The following NOD2 variants were observed in gnomAD, a reference collection of about 807,000 sequenced individuals.
NOD2 encodes the protein nucleotide-binding oligomerization domain-containing protein 2.
In NOD2, 86 loss-of-function variants were observed where a neutral mutation model predicts 90.9. That is an observed-to-expected ratio of 0.95 (90% CI 0.79 to 1.13). NOD2 has a LOEUF of 1.13. NOD2 is among the 50% of genes most tolerant of loss of function. The probability of loss-of-function intolerance (pLI) is 0.00; values close to 1 mark genes in which losing one functional copy is unlikely to be tolerated. For synonymous variants in NOD2, 581 were observed against 554.6 expected, an observed-to-expected ratio of 1.05 and a Z score of -0.67; for missense variants, 1,238 against 1,283.8, an observed-to-expected ratio of 0.96 and a Z score of 0.55.
intron 7 of NOD2, 148 bp from the exon 8 acceptor site, chr16:50,722,474 G>A (rs1009163270): frequency 1.2e-6 from 1 of 801,660 alleles, no homozygotes; most frequent in African/African-American, 1.7e-5. Context: ...ACTTTGCTGG[G>A]ACCAGGAGCC....
At position 50,711,152 on chromosome 16, in the gene NOD2, A is replaced by G. The variant is rs104895429; in HGVS notation, c.1160A>G (p.Asn387Ser). Residue 387 changes from asparagine (N) to serine (S), a missense_variant, in exon 4 of 12, where the codon AAC becomes AGC. This residue lies in a region of NOD2 where 567 missense variants were observed against 577.3 expected (regional missense o/e 0.98). Coordinates refer to ENST00000647318, the MANE Select transcript of NOD2 (RefSeq NM_001370466.1). ...QTLLFNLLQG[N>S]LLKNARKVVT... ...CTGCTCTTCAACCTTCTGCAGGGCAACCTGCTGAAGAATGCCCGCAAGGTG... is the reference window on the plus strand; with the variant it reads ...CTGCTCTTCAACCTTCTGCAGGGCAGCCTGCTGAAGAATGCCCGCAAGGTG... The G allele has an allele frequency of 8.4e-5, 135 of 1,614,004 alleles. No homozygotes were observed. The highest frequency in any genetic ancestry group is 1.1e-4 in the Non-Finnish European group (132 of 1,180,034).
chr16:50,723,153 A>AT, intron 8 of NOD2, 148 bp from the exon 9 acceptor site: 1 of 640,174 alleles, frequency 1.6e-6, no homozygotes, highest in Non-Finnish European at 2.7e-6. Context: ...AAAAAAAAAA[A>AT]AGAAAAAAGA....
chr16:50,703,934 A>G (rs906121989), intron 2 of NOD2, among the ~76,000 whole-genome samples: 4 of 152,218 alleles, frequency 2.6e-5, no homozygotes, highest in African/African-American at 9.6e-5. Context: ...GAAAATGGCC[A>G]GAGGAAGTGG....
Position 50,711,043 on chromosome 16 carries a change from T to G in NOD2, c.1051T>G (p.Phe351Val), listed in dbSNP as rs780544950. ...LDHPDRVLLTFDGFDEFKFRF... is the reference protein window; with the variant it reads ...LDHPDRVLLTVDGFDEFKFRF... ...CCACCCTGACCGTGTCCTGTTAACCTTTGATGGCTTTGACGAGTTCAAGTT... is the reference window on the plus strand; with the variant it reads ...CCACCCTGACCGTGTCCTGTTAACCGTTGATGGCTTTGACGAGTTCAAGTT... Residue 351 changes from phenylalanine to valine, a missense_variant, in exon 4 of 12, where the codon TTT becomes GTT. Transcript: ENST00000647318. 6.2e-7 allele frequency: 1 copy of G among 1,614,216 alleles called. No individual in the cohort carries two copies. The highest frequency in any genetic ancestry group is 8.5e-7 in the Non-Finnish European group (1 of 1,180,030).
intron 2 of NOD2, among the ~76,000 whole-genome samples, chr16:50,700,460 C>T (rs561496639): frequency 2.6e-5 from 4 of 152,322 alleles, no homozygotes; most frequent in Non-Finnish European, 5.9e-5. Context: ...TGTGTGGTGG[C>T]CAGGAACTCA....
In NOD2 at chr16:50,722,604, C is replaced by G; in HGVS notation, c.2634-18C>G. 1 of 1,612,726 alleles carries G rather than the reference C, an allele frequency of 6.2e-7. No homozygotes were observed. ...GGTACTCACTGACACTGTCTGTTGACTCTTTTGGCCTTTTCAGATTCTGGG... is the reference window on the plus strand; with the variant it reads ...GGTACTCACTGACACTGTCTGTTGAGTCTTTTGGCCTTTTCAGATTCTGGG... On this transcript the variant is annotated intron_variant, in intron 7 of 11. Transcript: ENST00000647318.
chr16:50,720,361 G>A (rs1258880341), intron 7 of NOD2, among the ~76,000 whole-genome samples: 1 of 152,174 alleles, frequency 6.6e-6, no homozygotes, highest in Non-Finnish European at 1.5e-5. Flanking sequence ...CTGATGAAAT[G>A]CAAATATCTA....
At chr16:50,698,807 A>G (rs1963784878) in intron 1 of NOD2, among the ~76,000 whole-genome samples, 1 of 152,178 alleles carries the variant, frequency 6.6e-6, no homozygotes. Context: ...TGCTTAATTA[A>G]TATTAGCCGT....
rs772487940 is a variant in NOD2, at chr16:50,729,861, C to G, written c.2929C>G (p.Leu977Val). The G allele has an allele frequency of 4.3e-6, 7 of 1,613,046 alleles. No individual in the cohort carries two copies. The highest frequency in any genetic ancestry group is 5.9e-6 in the Non-Finnish European group (7 of 1,179,308). The change falls in exon 11 of 12, where the codon CTG becomes GTG. Residue 977 changes from leucine to valine, a missense_variant. This residue lies in a region of NOD2 where 667 missense variants were observed against 688.7 expected (regional missense o/e 0.97). Coordinates refer to ENST00000647318, the MANE Select transcript of NOD2 (RefSeq NM_001370466.1). ...CITYLGAEAL[L>V]QALERNDTIL... Reference sequence around the variant, plus strand: ...CACCTACCTAGGGGCAGAAGCCCTCCTGCAGGCCCTTGAAAGGAATGACAC... The same window carrying G: ...CACCTACCTAGGGGCAGAAGCCCTCGTGCAGGCCCTTGAAAGGAATGACAC...
chr16:50,727,239 C>T (rs1965299479), intron 10 of NOD2, among the ~76,000 whole-genome samples: 1 of 152,016 alleles, frequency 6.6e-6, no homozygotes, highest in Middle Eastern at 3.2e-3. Context: ...CCACCATTAC[C>T]AGCCAGTTCT....
intron 11 of NOD2, among the ~76,000 whole-genome samples, chr16:50,730,389 T>G (rs1567408006): frequency 6.6e-6 from 1 of 152,230 alleles, no homozygotes; most frequent in Admixed American, 6.5e-5. Flanking sequence ...GATTCTTTCA[T>G]TGCCTTAAAA....
At chr16:50,708,411 C>G (rs1964301301) in intron 3 of NOD2, among the ~76,000 whole-genome samples, 1 of 152,172 alleles carries the variant, frequency 6.6e-6, no homozygotes, top group Non-Finnish European at 1.5e-5. Context: ...CACCCAAACT[C>G]AGGAACAGGA....
At chr16:50,716,247 A>G (rs1340470936) in intron 4 of NOD2, among the ~76,000 whole-genome samples, 1 of 152,180 alleles carries the variant, frequency 6.6e-6, no homozygotes. Flanking sequence ...CCTTTCCACC[A>G]TCATCCCCTT....
intron 9 of NOD2, among the ~76,000 whole-genome samples, chr16:50,724,186 C>T (rs535395885): frequency 1.8e-4 from 28 of 152,194 alleles, no homozygotes; most frequent in African/African-American, 4.8e-4. Flanking sequence ...TTGATTTTCC[C>T]GGGAAGCAGA....
Position 50,699,841 on chromosome 16 carries a change from A to G in NOD2, c.346A>G (p.Arg116Gly), listed in dbSNP as rs760196682. The G allele has an allele frequency of 6.2e-7, 1 of 1,613,596 alleles. No homozygotes were observed. Among genetic ancestry groups the G allele is most frequent in the South Asian group, 1.1e-5 (1 of 91,078 alleles). Residue 116 changes from arginine to glycine, a missense_variant, in exon 2 of 12, where the codon AGG (arginine) becomes GGG (glycine). Physicochemically the swap from Arg to Gly is moderately radical, Grantham distance 125. This residue lies in a region of NOD2 where 567 missense variants were observed against 577.3 expected (regional missense o/e 0.98). Transcript: ENST00000647318. ...GCAGAGTCACCGGCCAGCCATTGTCAGGAGGCTCCACAGCCATGTGGAGAA... is the reference window on the plus strand; with the variant it reads ...GCAGAGTCACCGGCCAGCCATTGTCGGGAGGCTCCACAGCCATGTGGAGAA... ...DLQSHRPAIV[R>G]RLHSHVENML...
At chr16:50,719,824 C>T in intron 6 of NOD2, 101 bp from the exon 7 acceptor site, 3 of 1,105,932 alleles carry the variant, frequency 2.7e-6, no homozygotes, top group South Asian at 2.5e-5. Context: ...CCGGGCAGGT[C>T]TTCAATGCTT....
At chr16:50,715,255 AT>A (rs545830476) in intron 4 of NOD2, among the ~76,000 whole-genome samples, 1,830 of 152,254 alleles carry the variant, frequency 0.012, 38 homozygotes, top group African/African-American at 0.042. Flanking sequence ...AATGGTTCCC[AT>A]TTCACTGGCT....
intron 1 of NOD2, chr16:50,697,042 T>C (rs1432704482): frequency 6.4e-6 from 4 of 626,918 alleles, no homozygotes; most frequent in Non-Finnish European, 2.9e-6. Context: ...CAAGGCTTTG[T>C]GCCAGAATTG....
chr16:50,715,614 C>T (rs1365844295), intron 4 of NOD2: 1 of 152,214 alleles, frequency 6.6e-6, no homozygotes, highest in Non-Finnish European at 1.5e-5. Flanking sequence ...GACAGGGTTT[C>T]ACTGTGTTAA....
Sources: gnomAD v4.1 joint callset for allele counts (sites outside exome capture counted in the v4.1 genomes callset) on GRCh38, gnomAD v4.1.1 for gene constraint, gnomAD v4.1.1 regional missense constraint, MANE v1.5 for transcripts, NCBI Gene and HGNC (gene_info 2026-07-23, HGNC 2026-07-21) for gene names.